Variants in INTS14 observed in about 807,000 individuals in gnomAD.
The protein encoded by INTS14 is integrator complex subunit 14.
Under a neutral mutation model 56.9 loss-of-function variants are expected in INTS14, and 27 were observed. The ratio of observed to expected loss-of-function variants is 0.47; its 90% CI spans 0.35 to 0.65. INTS14 has a LOEUF of 0.65. Ranked by LOEUF, INTS14 falls within the 30% of genes least tolerant of loss-of-function variation. The pLI is 0.00. For missense variants in INTS14, 517 were observed against 632.2 expected, an observed-to-expected ratio of 0.82 and a Z score of 1.95; for synonymous variants, 207 against 236.2, an observed-to-expected ratio of 0.88 and a Z score of 1.13.
rs569230559 is a variant in INTS14, at chr15:65,579,810, A to C, written c.1306-151T>G. On this transcript the variant is annotated intron_variant, in intron 11 of 11. Transcript: ENST00000313182. ...TGTTTATTTAGGGATGCCAGTAACA[A>C]GAATGTGATGGTTTTACTGGGAAGT... The C allele has an allele frequency of 3.3e-5, 41 of 1,253,466 alleles. No homozygotes were observed. The African/African-American group carries it at 5.3e-4, about 16-fold the overall frequency. 77.6% of individuals were successfully genotyped at this position (1,253,466 alleles called of 1,614,324 possible).
At chr15:65,595,271 A>G (rs2073172596) in intron 7 of INTS14, among the ~76,000 whole-genome samples, 1 of 151,014 alleles carries the variant, frequency 6.6e-6, no homozygotes, top group South Asian at 2.1e-4. Context: ...AGGACCCACA[A>G]GGGCCTGGAT....
At chr15:65,599,661 A>G (rs967342305) in intron 4 of INTS14, 113 bp downstream of exon 4, 31 of 1,166,424 alleles carry the variant, frequency 2.7e-5, no homozygotes, top group Non-Finnish European at 3.5e-5. Context: ...AGCTGAAACC[A>G]ATGGAGTTCA....
Position 65,582,029 on chromosome 15 carries a change from G to GT in INTS14, c.1240-11dup. On this transcript the variant is annotated splice_polypyrimidine_tract_variant and intron_variant, in intron 10 of 11. Transcript: ENST00000313182. The stretch of plus-strand genomic sequence containing the variant: ...TCTTCTGTACATCTGTCTATTAAGG[G>GT]TAAAAAAAAAAATCCAACATTAGAA... 2 of 1,561,114 alleles carry GT rather than the reference G, an allele frequency of 1.3e-6. No homozygotes were observed. Among genetic ancestry groups the GT allele is most frequent in the Non-Finnish European group, 1.7e-6 (2 of 1,159,136 alleles).
Position 65,579,194 on chromosome 15 carries a change from A to G in INTS14, c.*214T>C, listed in dbSNP as rs1440551167. The G allele has an allele frequency of 1.0e-5, 6 of 582,318 alleles. No individual in the cohort carries two copies. The highest frequency in any genetic ancestry group is 3.4e-5 in the Admixed American group (1 of 29,462). 36.1% of individuals were successfully genotyped at this position (582,318 alleles called of 1,614,324 possible). A position where few individuals can be genotyped will look rare whatever the true frequency, so the allele number is the denominator to read the frequency against. Reference sequence around the variant, plus strand: ...ACAGCAGCTATCTTCCAAGCTTAAAAATTATGAATCCCAGGAAGTTAAAGC... The same window carrying G: ...ACAGCAGCTATCTTCCAAGCTTAAAGATTATGAATCCCAGGAAGTTAAAGC... On this transcript the variant is annotated 3_prime_UTR_variant, in exon 12 of 12. Coordinates refer to ENST00000313182, the MANE Select transcript of INTS14 (RefSeq NM_001394796.1).
intron 11 of INTS14, among the ~76,000 whole-genome samples, chr15:65,581,665 G>C (rs777255033): frequency 6.3e-4 from 95 of 151,286 alleles, no homozygotes; most frequent in South Asian, 2.5e-3. Flanking sequence ...GTGATGAGGA[G>C]AGTTCAGGGC....
chr15:65,595,939 TG>T (rs773896470), intron 6 of INTS14, 114 bp from the exon 7 acceptor site: 2 of 727,422 alleles, frequency 2.7e-6, no homozygotes, highest in Non-Finnish European at 2.2e-6. Context: ...ATATGATGAC[TG>T]GGAAAGTTAT....
chr15:65,610,698 T>C, intron 1 of INTS14: 2 of 1,535,708 alleles, frequency 1.3e-6, no homozygotes, highest in Non-Finnish European at 1.7e-6. Context: ...GCTCTTTGGC[T>C]TTCCCGTCAG....
At chr15:65,598,729 A>T in intron 5 of INTS14, 143 bp downstream of exon 5, 1 of 764,356 alleles carries the variant, frequency 1.3e-6, no homozygotes, top group Non-Finnish European at 2.1e-6. Context: ...AACCATTACT[A>T]CCCATCACTT....
intron 3 of INTS14, among the ~76,000 whole-genome samples, chr15:65,602,602 G>A (rs546900721): frequency 3.9e-5 from 6 of 152,004 alleles, no homozygotes; most frequent in African/African-American, 1.4e-4. Flanking sequence ...CCACATTTAA[G>A]CAAGTTTGTT....
intron 2 of INTS14, 117 bp from the exon 3 acceptor site, chr15:65,605,353 G>A: frequency 1.4e-6 from 1 of 709,928 alleles, no homozygotes; most frequent in Admixed American, 2.6e-5. Context: ...GTATCTGAGA[G>A]CACCAAAGCA....
At chr15:65,611,018 G>T in intron 1 of INTS14, 80 bp downstream of exon 1, 1 of 1,527,600 alleles carries the variant, frequency 6.5e-7, no homozygotes. Context: ...GCCCTGGGTT[G>T]TTCTTCACCC....
chr15:65,594,616 A>T (rs2141284571), intron 7 of INTS14, among the ~76,000 whole-genome samples: 1 of 139,726 alleles, frequency 7.2e-6, no homozygotes, highest in Non-Finnish European at 1.5e-5. Flanking sequence ...GTTAGTCAGG[A>T]TGGTCTCAAT....
Position 65,607,173 on chromosome 15 carries a change from A to C in INTS14, c.208T>G (p.Tyr70Asp), listed in dbSNP as rs963322022. 1.2e-6 allele frequency: 2 copies of C among 1,614,194 alleles called. No individual in the cohort carries two copies. Among genetic ancestry groups the C allele is most frequent in the Non-Finnish European group, 8.5e-7 (1 of 1,180,028 alleles). Residue 70 changes from tyrosine (Y) to aspartate (D), a missense_variant, in exon 2 of 12, where the codon TAT becomes GAT. By Grantham distance (160) the Tyr-to-Asp change is radical. Coordinates refer to ENST00000313182, the MANE Select transcript of INTS14 (RefSeq NM_001394796.1). ...ACATTTTGTACCTGTAGGGTATTATAATCTCTCGTGAAGGGGACCATCAAC... is the reference window on the plus strand; with the variant it reads ...ACATTTTGTACCTGTAGGGTATTATCATCTCTCGTGAAGGGGACCATCAAC... ...WELMVPFTRD[Y>D]NTLQEALSNM...
chr15:65,591,656 C>T lies in INTS14; in HGVS notation c.1062G>A (p.Glu354=). 1 of 1,614,202 alleles carries T rather than the reference C, an allele frequency of 6.2e-7. No individual in the cohort carries two copies. The highest frequency in any genetic ancestry group is 1.1e-5 in the South Asian group (1 of 91,086). Residue 354 remains glutamate, a synonymous_variant, in exon 9 of 12, where the codon GAG becomes GAA. Coordinates refer to ENST00000313182, the MANE Select transcript of INTS14 (RefSeq NM_001394796.1). ...KKSNLMMSLF[E]PGPEPLPWLG... is the part of the protein sequence containing the mutation. ...GCCATGGGAGAGGTTCTGGGCCAGG[C>T]TCAAAGAGAGACATCATGAGGTTTG...
intron 2 of INTS14, among the ~76,000 whole-genome samples, 197 bp from the exon 3 acceptor site, chr15:65,605,433 A>T (rs1324081298): frequency 6.6e-6 from 1 of 152,224 alleles, no homozygotes; most frequent in Non-Finnish European, 1.5e-5. Flanking sequence ...AATTCCATTT[A>T]TTCTATCCTC....
chr15:65,578,900 GAGTT>G lies in INTS14; in HGVS notation c.*504_*507del, dbSNP rs1417236262. On this transcript the variant is annotated 3_prime_UTR_variant, in exon 12 of 12. Transcript: ENST00000313182. ...CTCAAGAGATACCAAAAGCACTTAA[GAGTT>G]ACCACCACATTTTGCCCAAGTTCTA... 6.6e-6 allele frequency: 1 copy of G among 152,506 alleles called. No homozygotes were observed. Among genetic ancestry groups the G allele is most frequent in the Non-Finnish European group, 1.5e-5 (1 of 68,288 alleles). The allele number at this position is 152,506 out of a possible 1,614,324, so 9.4% of individuals were successfully genotyped here. A position where few individuals can be genotyped will look rare whatever the true frequency, so the allele number is the denominator to read the frequency against.
chr15:65,590,336 C>G (rs1340916264), intron 9 of INTS14, among the ~76,000 whole-genome samples: 4 of 152,254 alleles, frequency 2.6e-5, no homozygotes, highest in African/African-American at 7.2e-5. Flanking sequence ...TGGTATCCCC[C>G]TGTTCTCACT....
At position 65,605,132 on chromosome 15, in the gene INTS14, G is replaced by A; in HGVS notation, c.327C>T (p.Cys109=). The A allele has an allele frequency of 6.2e-7, 1 of 1,611,568 alleles. No individual in the cohort carries two copies. The highest frequency in any genetic ancestry group is 1.1e-5 in the South Asian group (1 of 91,012). Residue 109 remains cysteine (C), a synonymous_variant, in exon 3 of 12, where the codon TGC becomes TGT. Transcript: ENST00000313182. ...VQQEWGGAIP[C]QVVLVTDGCL... The stretch of plus-strand genomic sequence containing the variant: ...ATGAAAAAGAATTGATCATTACCTG[G>A]CAAGGAATTGCACCACCCCATTCTT...
In INTS14 at chr15:65,607,447, A is replaced by G. The variant is rs1213755844; in HGVS notation, c.-62-5T>C. On this transcript the variant is annotated splice_polypyrimidine_tract_variant and splice_region_variant and intron_variant, in intron 1 of 11. Transcript: ENST00000313182. ...ACAGCTATAAACGAAGAAATGCTGC[A>G]GAAAATAAATACGTTCTTACATGTC... 1 of 1,587,812 alleles carries G rather than the reference A, an allele frequency of 6.3e-7. No homozygotes were observed. The highest frequency in any genetic ancestry group is 1.1e-5 in the South Asian group (1 of 88,306).
Sources: gnomAD v4.1 joint callset for allele counts (sites outside exome capture counted in the v4.1 genomes callset) on GRCh38, gnomAD v4.1.1 for gene constraint, MANE v1.5 for transcripts, NCBI Gene and HGNC (gene_info 2026-07-23, HGNC 2026-07-21) for gene names.